The following EIF2B5 variants were observed in gnomAD, a reference collection of about 807,000 sequenced individuals.
EIF2B5 encodes the protein translation initiation factor eIF2B subunit epsilon.
EIF2B5 carries 38 observed loss-of-function variants against 87.3 expected under a neutral mutation model. The ratio of observed to expected loss-of-function variants is 0.44; its 90% CI spans 0.34 to 0.57. The LOEUF (loss-of-function observed/expected upper bound fraction) is 0.57, where lower values mean the gene tolerates loss of function less well. EIF2B5 is among the 20% of genes least tolerant of loss of function. EIF2B5 has a pLI of 0.02. For synonymous variants in EIF2B5, 313 were observed against 339.6 expected, an observed-to-expected ratio of 0.92 and a Z score of 0.86; for missense variants, 784 against 909.5, an observed-to-expected ratio of 0.86 and a Z score of 1.78.
At chr3:184,136,772 A>G in intron 2 of EIF2B5, 36 bp downstream of exon 2, 1 of 1,614,074 alleles carries the variant, frequency 6.2e-7, no homozygotes, top group Non-Finnish European at 8.5e-7. Context: ...ATGTTTCGCC[A>G]TCTTTTTCCA....
chr3:184,137,680 C>G lies in EIF2B5; in HGVS notation c.381C>G (p.Leu127=), dbSNP rs1237483191. The change falls in exon 3 of 16, where the codon CTC becomes CTG. Residue 127 remains leucine (L), a synonymous_variant. Transcript: ENST00000648915. The part of the protein sequence containing the change: ...LNVVRIITSE[L]YRSLGDVLRD... ...TGGTTCGAATAATTACATCAGAGCTCTATCGATCACTGGGAGATGTCCTCC... is the reference window on the plus strand; with the variant it reads ...TGGTTCGAATAATTACATCAGAGCTGTATCGATCACTGGGAGATGTCCTCC... 2.3e-5 allele frequency: 37 copies of G among 1,614,108 alleles called. No homozygotes were observed. The highest frequency in any genetic ancestry group is 2.7e-5 in the Non-Finnish European group (32 of 1,180,058).
chr3:184,143,864 G>T, intron 13 of EIF2B5: 2 of 705,334 alleles, frequency 2.8e-6, no homozygotes, highest in East Asian at 2.6e-5. Flanking sequence ...ATCAGCCTCT[G>T]GGGTGGGAAT....
At chr3:184,135,790 C>G (rs1396696462) in intron 1 of EIF2B5, 1 of 657,440 alleles carries the variant, frequency 1.5e-6, no homozygotes, top group Non-Finnish European at 2.6e-6. Flanking sequence ...TGCTGTCCAC[C>G]TCGGGTTTGA....
rs1458136570 is a variant in EIF2B5, at chr3:184,138,033, T to C, written c.642T>C (p.His214=). 1.2e-6 allele frequency: 2 copies of C among 1,614,172 alleles called. No homozygotes were observed. The highest frequency in any genetic ancestry group is 1.7e-6 in the Non-Finnish European group (2 of 1,180,036). The change falls in exon 4 of 16, where the codon CAT becomes CAC. Residue 214 remains histidine, a synonymous_variant. Coordinates refer to ENST00000648915, the MANE Select transcript of EIF2B5 (RefSeq NM_003907.3). ...ATAGTACCACAAACAGGGTTCTCCA[T>C]TTTCAGAAGACCCAGGGTCTCCGGC... ...AVDSTTNRVL[H]FQKTQGLRRF...
Position 184,143,559 on chromosome 3 carries a change from G to A in EIF2B5, c.1863G>A (p.Leu621=), listed in dbSNP as rs548184353. ...ACTCAAGCCGCTACTGTGCCCTGCT[G>A]CTTCCTGTGAGCAAAGATTGGAGCT... is the stretch of plus-strand genomic sequence containing the variant. ...PLDSSRYCAL[L]LPLLKAWSPV... The change falls in exon 13 of 16, where the codon CTG becomes CTA. Residue 621 remains leucine, a synonymous_variant. Coordinates refer to ENST00000648915, the MANE Select transcript of EIF2B5 (RefSeq NM_003907.3). 15 of 1,614,208 alleles carry A rather than the reference G, an allele frequency of 9.3e-6. No homozygotes were observed. In the African/African-American group the frequency reaches 1.6e-4, roughly 17 times the overall value.
In EIF2B5 at chr3:184,145,188, C is replaced by G. The variant is rs1007711643; in HGVS notation, c.*245C>G. 29 of 575,500 alleles carry G rather than the reference C, an allele frequency of 5.0e-5. No individual in the cohort carries two copies. Among genetic ancestry groups the G allele is most frequent in the Non-Finnish European group, 6.2e-6 (2 of 320,248 alleles). 35.6% of individuals were successfully genotyped at this position (575,500 alleles called of 1,614,324 possible). ...TCTGCCTAGGGAGGAGCTAAGCAGG[C>G]CCGGCAGTTGGAGGAAGGCCAGAGG... is the stretch of plus-strand genomic sequence containing the variant. On this transcript the variant is annotated 3_prime_UTR_variant, in exon 16 of 16. Coordinates refer to ENST00000648915, the MANE Select transcript of EIF2B5 (RefSeq NM_003907.3). The surrounding 1 kb of genome is among the most constrained non-coding windows in gnomAD (Gnocchi z 4.0).
At chr3:184,144,050 A>T (rs1235628526) in intron 13 of EIF2B5, 49 bp from the exon 14 acceptor site, 1 of 1,613,728 alleles carries the variant, frequency 6.2e-7, no homozygotes, top group Non-Finnish European at 8.5e-7. Context: ...ATGTCCAGGT[A>T]TAGGTGAATG....
In EIF2B5 at chr3:184,141,931, A is replaced by G; in HGVS notation, c.1163A>G (p.Asn388Ser). The G allele has an allele frequency of 1.2e-6, 2 of 1,614,010 alleles. No individual in the cohort carries two copies. Among genetic ancestry groups the G allele is most frequent in the East Asian group, 2.2e-5 (1 of 44,866 alleles). Residue 388 changes from asparagine to serine, a missense_variant, in exon 8 of 16, where the codon AAC becomes AGC. Around this residue, in one of 3 missense-constraint regions of EIF2B5, gnomAD observed 660 missense variants for 789.5 expected, o/e 0.84. Coordinates refer to ENST00000648915, the MANE Select transcript of EIF2B5 (RefSeq NM_003907.3). The part of the protein sequence containing the change: ...VIGPGCHIGD[N>S]VVLDQTYLWQ... ...TCTTCCCATCCTGAGCCAGGTGATA[A>G]CGTGGTGCTGGACCAGACCTACCTG...
chr3:184,144,669 A>G lies in EIF2B5; in HGVS notation c.2068A>G (p.Thr690Ala). 1 of 1,614,132 alleles carries G rather than the reference A, an allele frequency of 6.2e-7. No homozygotes were observed. Among genetic ancestry groups the G allele is most frequent in the Non-Finnish European group, 8.5e-7 (1 of 1,180,008 alleles). The change falls in exon 15 of 16, where the codon ACA (threonine) becomes GCA (alanine). Residue 690 changes from threonine to alanine, a missense_variant. Coordinates refer to ENST00000648915, the MANE Select transcript of EIF2B5 (RefSeq NM_003907.3). ...TCTGAGCTGGTTCAGCCAAAGAGAT[A>G]CAACTGACAAGGGCCAGCAGTTGCG... is the stretch of plus-strand genomic sequence containing the variant. The part of the protein sequence containing the change: ...TILSWFSQRD[T>A]TDKGQQLRKN...
intron 7 of EIF2B5, 75 bp from the exon 8 acceptor site, chr3:184,141,850 C>G (rs1713648265): frequency 6.3e-7 from 1 of 1,596,166 alleles, no homozygotes; most frequent in Non-Finnish European, 8.6e-7. Flanking sequence ...TGTCAGTCAG[C>G]CCTGTCCTCT....
chr3:184,138,328 A>G (rs1370916400), intron 5 of EIF2B5, 82 bp downstream of exon 5: 1 of 1,195,138 alleles, frequency 8.4e-7, no homozygotes, highest in African/African-American at 1.5e-5. Context: ...AGGCCAGGGT[A>G]TATTTCTTCT....
In EIF2B5 at chr3:184,142,843, G is replaced by T; in HGVS notation, c.1611G>T (p.Glu537Asp). The change falls in exon 11 of 16, where the codon GAG becomes GAT. Residue 537 changes from glutamate to aspartate, a missense_variant. Glu to Asp is a conservative substitution (Grantham distance 45). Transcript: ENST00000648915. The surrounding 1 kb of genome is among the most constrained non-coding windows in gnomAD (Gnocchi z 5.0). ...GTGAGCAAAGTATGGATTCTGAGGA[G>T]CCGGACAGCCGGGGAGGCTCCCCTC... ...SESEQSMDSE[E>D]PDSRGGSPQM... The T allele has an allele frequency of 6.2e-7, 1 of 1,614,108 alleles. No homozygotes were observed. The highest frequency in any genetic ancestry group is 8.5e-7 in the Non-Finnish European group (1 of 1,180,028).
rs775719092 is a variant in EIF2B5 at position 184,136,726 on chromosome 3, G to A, written c.310G>A (p.Glu104Lys). Residue 104 changes from glutamate to lysine, a missense_variant, in exon 2 of 16, where the codon GAA (glutamate) becomes AAA (lysine). Around this residue, in one of 3 missense-constraint regions of EIF2B5, gnomAD observed 660 missense variants for 789.5 expected, o/e 0.84. Transcript: ENST00000648915. ...TTGCTGGAAAGCTGCTCAAATCAAA[G>A]AACATTTACTGTAAGGCCCTGCAAC... ...FCCWKAAQIKEHLLKSKWCRP... is the reference protein window; with the variant it reads ...FCCWKAAQIKKHLLKSKWCRP... The A allele has an allele frequency of 6.2e-7, 1 of 1,614,166 alleles. No individual in the cohort carries two copies. Among genetic ancestry groups the A allele is most frequent in the Non-Finnish European group, 8.5e-7 (1 of 1,180,040 alleles).
At chr3:184,143,815 A>G (rs1250957701) in intron 13 of EIF2B5, 1 of 673,268 alleles carries the variant, frequency 1.5e-6, no homozygotes, top group African/African-American at 1.8e-5. Flanking sequence ...ATGGACCTGG[A>G]CATTCAGACT....
Position 184,135,450 on chromosome 3 carries a change from C to T in EIF2B5, c.65C>T (p.Ala22Val), listed in dbSNP as rs369218379. ...VVSRANKRSG[A>V]GPGGSGGGGA... ...AGTCGGGCTAACAAGCGCAGCGGCG[C>T]GGGGCCGGGAGGCAGCGGTGGCGGG... Residue 22 changes from alanine (A) to valine (V), a missense_variant, in exon 1 of 16, where the codon GCG becomes GTG. Transcript: ENST00000648915. 27 of 1,580,840 alleles carry T rather than the reference C, an allele frequency of 1.7e-5. No homozygotes were observed. The highest frequency in any genetic ancestry group is 1.3e-5 in the African/African-American group (1 of 74,682).
chr3:184,139,756 G>T (rs1198090625), intron 5 of EIF2B5, among the ~76,000 whole-genome samples: 1 of 151,384 alleles, frequency 6.6e-6, no homozygotes. Flanking sequence ...GGTGGCTCAC[G>T]CTTGTAATCC....
chr3:184,144,576 C>A, intron 14 of EIF2B5, 21 bp from the exon 15 acceptor site: 1 of 1,608,190 alleles, frequency 6.2e-7, no homozygotes, highest in East Asian at 2.2e-5. Context: ...CCCTGAGGTC[C>A]CCTTTATTGG....
rs559028786 is a variant in EIF2B5, at chr3:184,144,071, T to C, written c.1870-28T>C. Reference sequence around the variant, plus strand: ...AGGTATAGGTGAATGCTTAGGAATATACTGCAGCTCCCTTCTTTCTTCCAT... The same window carrying C: ...AGGTATAGGTGAATGCTTAGGAATACACTGCAGCTCCCTTCTTTCTTCCAT... On this transcript the variant is annotated intron_variant, in intron 13 of 15. Transcript: ENST00000648915. The C allele has an allele frequency of 3.0e-5, 48 of 1,614,218 alleles. No individual in the cohort carries two copies. In the South Asian group the frequency reaches 4.8e-4, roughly 16 times the overall value.
At chr3:184,137,251 C>T in intron 2 of EIF2B5, 1 of 385,754 alleles carries the variant, frequency 2.6e-6, no homozygotes, top group African/African-American at 2.1e-5. Context: ...AGCATGGTCT[C>T]CATCAGACAG....
Sources: gnomAD v4.1 joint callset for allele counts (sites outside exome capture counted in the v4.1 genomes callset) on GRCh38, gnomAD v4.1.1 for gene constraint, gnomAD v4.1.1 regional missense constraint, Gnocchi (gnomAD v3.1) non-coding constraint, MANE v1.5 for transcripts, NCBI Gene and HGNC (gene_info 2026-07-23, HGNC 2026-07-21) for gene names.